Variants in MOSMO observed in about 807,000 individuals in gnomAD.
MOSMO encodes modulator of smoothened protein.
In MOSMO, 5 loss-of-function variants were observed where a neutral mutation model predicts 18.4. That is an observed-to-expected ratio of 0.27 (90% CI 0.14 to 0.57). The LOEUF (loss-of-function observed/expected upper bound fraction) is 0.57. Among genes scored for constraint, MOSMO ranks in the 20% least tolerant of loss-of-function variants. The probability of loss-of-function intolerance (pLI) is 0.92; values close to 1 mark genes in which losing one functional copy is unlikely to be tolerated. For missense variants in MOSMO, 138 were observed against 211.8 expected, an observed-to-expected ratio of 0.65 and a Z score of 2.16; for synonymous variants, 82 against 82.3, an observed-to-expected ratio of 1.00 and a Z score of 0.02.
chr16:22,045,140 G>A (rs139881870), intron 1 of MOSMO, among the ~76,000 whole-genome samples: 3,920 of 151,370 alleles, frequency 0.026, 49 homozygotes, highest in Middle Eastern at 0.041. Context: ...AGCCAAGATC[G>A]TGACACTGCA....
At position 22,073,962 on chromosome 16, in the gene MOSMO, A is replaced by G. The variant is rs182152682; in HGVS notation, c.107-1525A>G. Among the ~76,000 whole-genome samples, 13 of 152,316 alleles carry G rather than the reference A, an allele frequency of 8.5e-5. No homozygotes were observed. The East Asian group carries it at 2.5e-3, about 29-fold the overall frequency. ...TTTTCTTCTCTGCTTAACAGTTAGCATTTGGGGGAGGACTCAAACTCAACT... is the reference window on the plus strand; with the variant it reads ...TTTTCTTCTCTGCTTAACAGTTAGCGTTTGGGGGAGGACTCAAACTCAACT... On this transcript the variant is annotated intron_variant, in intron 1 of 2. Coordinates refer to ENST00000542527, the MANE Select transcript of MOSMO (RefSeq NM_001164579.2).
At chr16:22,016,952 A>G (rs780766095) in intron 1 of MOSMO, among the ~76,000 whole-genome samples, 5 of 152,182 alleles carry the variant, frequency 3.3e-5, no homozygotes, top group Non-Finnish European at 7.3e-5. Flanking sequence ...TATCAAGTCA[A>G]TTTTTCTCAC....
intron 1 of MOSMO, among the ~76,000 whole-genome samples, chr16:22,038,675 G>A (rs1173697581): frequency 1.3e-5 from 2 of 152,146 alleles, no homozygotes; most frequent in African/African-American, 4.8e-5. Flanking sequence ...TTTGAAAAGA[G>A]TATATATTTT....
intron 1 of MOSMO, among the ~76,000 whole-genome samples, chr16:22,063,476 A>G (rs977657499): frequency 1.3e-5 from 2 of 152,238 alleles, no homozygotes; most frequent in Admixed American, 1.3e-4. Flanking sequence ...GCAAATAGGT[A>G]AGACAAATGT....
At chr16:22,041,875 T>C (rs1900216690) in intron 1 of MOSMO, among the ~76,000 whole-genome samples, 1 of 151,992 alleles carries the variant, frequency 6.6e-6, no homozygotes, top group Non-Finnish European at 1.5e-5. Flanking sequence ...AGAGACAAGG[T>C]CTCACTATGT....
At chr16:22,092,018 CA>C (rs1901344185), downstream of MOSMO, among the ~76,000 whole-genome samples, 1 of 152,206 alleles carries the variant, frequency 6.6e-6, no homozygotes, top group Non-Finnish European at 1.5e-5. Flanking sequence ...AGGTGATTCT[CA>C]TGGGCATCCG....
intron 1 of MOSMO, among the ~76,000 whole-genome samples, chr16:22,060,102 A>T (rs1005701467): frequency 6.6e-6 from 1 of 152,202 alleles, no homozygotes; most frequent in Non-Finnish European, 1.5e-5. Context: ...GCTTGATCCC[A>T]GGAGGCTGGG....
At chr16:22,043,871 A>T (rs1012237015) in intron 1 of MOSMO, among the ~76,000 whole-genome samples, 16 of 152,186 alleles carry the variant, frequency 1.1e-4, no homozygotes, top group Admixed American at 2.0e-4. Context: ...TGATAAAGAC[A>T]TACCCAAGAC....
intron 1 of MOSMO, among the ~76,000 whole-genome samples, chr16:22,020,878 A>G (rs1298571575): frequency 6.6e-6 from 1 of 152,204 alleles, no homozygotes; most frequent in African/African-American, 2.4e-5. Context: ...GTTCACTGAG[A>G]TTCTTCTTAT....
downstream of MOSMO, among the ~76,000 whole-genome samples, chr16:22,091,101 A>G (rs1901307475): frequency 6.6e-6 from 1 of 151,848 alleles, no homozygotes; most frequent in African/African-American, 2.4e-5. Context: ...CAAGATGGGC[A>G]CAAGGACCCT....
chr16:22,052,575 T>C (rs925918853), intron 1 of MOSMO, among the ~76,000 whole-genome samples: 1 of 152,170 alleles, frequency 6.6e-6, no homozygotes, highest in African/African-American at 2.4e-5. Context: ...GTGCCATTTA[T>C]AAGAAAACAA....
chr16:22,020,657 A>G (rs1190882669), intron 1 of MOSMO, among the ~76,000 whole-genome samples: 3 of 152,190 alleles, frequency 2.0e-5, no homozygotes, highest in African/African-American at 7.2e-5. Flanking sequence ...CTCTGGGTCA[A>G]TACGGAAGTT....
downstream of MOSMO, chr16:22,090,398 T>C (rs1901279234): frequency 6.6e-6 from 1 of 152,226 alleles, no homozygotes; most frequent in African/African-American, 2.4e-5. Flanking sequence ...TCTATCTCTT[T>C]TAACTGAAAT....
chr16:22,069,654 A>G (rs962607689), intron 1 of MOSMO, among the ~76,000 whole-genome samples: 4 of 152,188 alleles, frequency 2.6e-5, no homozygotes, highest in African/African-American at 9.7e-5. Context: ...AGTTGGTGTT[A>G]TGGAGTGAGT....
chr16:22,009,993 A>C (rs1363648867), intron 1 of MOSMO, among the ~76,000 whole-genome samples: 1 of 151,870 alleles, frequency 6.6e-6, no homozygotes, highest in Non-Finnish European at 1.5e-5. Context: ...TCTGTCTCAA[A>C]AAAAAGAAAA....
chr16:22,031,003 G>A (rs927829673), intron 1 of MOSMO, among the ~76,000 whole-genome samples: 5 of 152,252 alleles, frequency 3.3e-5, no homozygotes, highest in Non-Finnish European at 2.9e-5. Context: ...ACAGTTGACC[G>A]GAAGTCAGTA....
chr16:22,013,733 T>A (rs1899579732), intron 1 of MOSMO, among the ~76,000 whole-genome samples: 1 of 152,150 alleles, frequency 6.6e-6, no homozygotes, highest in Admixed American at 6.5e-5. Flanking sequence ...AAAGAACTTC[T>A]CCCTTATGTC....
At chr16:22,032,796 C>T (rs1007764972) in intron 1 of MOSMO, among the ~76,000 whole-genome samples, 1 of 152,162 alleles carries the variant, frequency 6.6e-6, no homozygotes, top group African/African-American at 2.4e-5. Context: ...AGTCCTCTTA[C>T]CTCGACCTCC....
At chr16:22,010,380 C>A (rs1344941164) in intron 1 of MOSMO, among the ~76,000 whole-genome samples, 1 of 152,142 alleles carries the variant, frequency 6.6e-6, no homozygotes, top group East Asian at 1.9e-4. Context: ...AGTTCGTGAC[C>A]TGTTGATGTT....
Sources: allele counts gnomAD v4.1 joint callset (sites outside exome capture counted in the v4.1 genomes callset), GRCh38; gene constraint gnomAD v4.1.1; transcripts MANE v1.5; gene names NCBI Gene and HGNC (gene_info 2026-07-23, HGNC 2026-07-21).